ADAMTSL3: variants seen among roughly 807,000 people sequenced by gnomAD.
The protein encoded by ADAMTSL3 is ADAMTS like 3.
Under a neutral mutation model 201.7 loss-of-function variants are expected in ADAMTSL3, and 128 were observed. That is an observed-to-expected ratio of 0.63 (90% confidence interval 0.55 to 0.73). The LOEUF (loss-of-function observed/expected upper bound fraction) is 0.73. Among genes scored for constraint, ADAMTSL3 ranks in the 30% least tolerant of loss-of-function variants. The pLI is 0.00. For missense variants in ADAMTSL3, 1,990 were observed against 2,119.6 expected, an observed-to-expected ratio of 0.94 and a Z score of 1.20; for synonymous variants, 738 against 748.4, an observed-to-expected ratio of 0.99 and a Z score of 0.23.
chr15:83,942,455 T>G, intron 17 of ADAMTSL3, 141 bp from the exon 18 acceptor site: 11 of 669,564 alleles, frequency 1.6e-5, no homozygotes, highest in Non-Finnish European at 2.5e-5. Flanking sequence ...CGTATATTGA[T>G]GGAGATGCTG....
intron 17 of ADAMTSL3, among the ~76,000 whole-genome samples, chr15:83,934,251 G>C (rs1260838226): frequency 6.6e-6 from 1 of 152,226 alleles, no homozygotes; most frequent in African/African-American, 2.4e-5. Context: ...GCATCAGTGT[G>C]ACCTGTATGC....
intron 4 of ADAMTSL3, among the ~76,000 whole-genome samples, chr15:83,784,635 T>G (rs146332807): frequency 5.3e-4 from 81 of 152,280 alleles, no homozygotes; most frequent in Non-Finnish European, 1.0e-3. Context: ...TCCCTGAAAT[T>G]TTACCTCTGC....
At chr15:83,927,920 A>AG (rs1238788351) in intron 17 of ADAMTSL3, among the ~76,000 whole-genome samples, 1 of 151,920 alleles carries the variant, frequency 6.6e-6, no homozygotes, top group Non-Finnish European at 1.5e-5. Flanking sequence ...CTAAAAAAAA[A>AG]TGGTTTCGAA....
intron 3 of ADAMTSL3, among the ~76,000 whole-genome samples, chr15:83,727,498 C>A (rs1357986338): frequency 6.6e-6 from 1 of 151,694 alleles, no homozygotes. Context: ...TACAACTTTT[C>A]CAGTTTTTGT....
At position 83,753,453 on chromosome 15, in the gene ADAMTSL3, T is replaced by C. The variant is rs2062670946; in HGVS notation, c.190-20070T>C. Among the ~76,000 whole-genome samples the C allele has an allele frequency of 3.9e-5, 6 of 152,288 alleles. 1 individual carries two copies. The South Asian group carries it at 1.2e-3, about 32-fold the overall frequency. ...CACTGGCTTCTTTCATTACTTACTT[T>C]GGTAGCTGTCAAATAATATTTCTTG... On this transcript the variant is annotated intron_variant, in intron 3 of 29. Coordinates refer to ENST00000286744, the MANE Select transcript of ADAMTSL3 (RefSeq NM_207517.3).
intron 17 of ADAMTSL3, among the ~76,000 whole-genome samples, chr15:83,924,258 A>G (rs894708462): frequency 2.6e-5 from 4 of 152,210 alleles, no homozygotes; most frequent in African/African-American, 4.8e-5. Flanking sequence ...TTTTGTTTGC[A>G]TCGAACACGA....
At chr15:83,751,657 CTG>C (rs1184630553) in intron 3 of ADAMTSL3, among the ~76,000 whole-genome samples, 12 of 152,108 alleles carry the variant, frequency 7.9e-5, no homozygotes, top group Admixed American at 7.9e-4. Context: ...GAACAGAAAA[CTG>C]TATATAGAAG....
At chr15:83,959,738 G>C (rs189772378) in intron 19 of ADAMTSL3, among the ~76,000 whole-genome samples, 2 of 152,272 alleles carry the variant, frequency 1.3e-5, no homozygotes, top group African/African-American at 4.8e-5. Flanking sequence ...GACAAGCTTT[G>C]GCATAAAGTT....
intron 2 of ADAMTSL3, among the ~76,000 whole-genome samples, chr15:83,683,923 T>A (rs1249264754): frequency 6.6e-6 from 1 of 152,230 alleles, no homozygotes; most frequent in Non-Finnish European, 1.5e-5. Flanking sequence ...CTTAATCATT[T>A]TGTTTTTGTT....
At chr15:83,695,114 G>GTA (rs2061661702) in intron 2 of ADAMTSL3, among the ~76,000 whole-genome samples, 1 of 141,986 alleles carries the variant, frequency 7.0e-6, no homozygotes, top group Non-Finnish European at 1.6e-5. Context: ...GTGCATGTGT[G>GTA]GTGTGTGTGT....
intron 9 of ADAMTSL3, among the ~76,000 whole-genome samples, chr15:83,875,349 T>C (rs886139668): frequency 6.6e-6 from 1 of 152,218 alleles, no homozygotes. Flanking sequence ...CTTGCTGTGC[T>C]TAGTCACTGG....
At chr15:83,705,763 C>A (rs565715285) in intron 3 of ADAMTSL3, among the ~76,000 whole-genome samples, 1 of 152,306 alleles carries the variant, frequency 6.6e-6, no homozygotes, top group South Asian at 2.1e-4. Flanking sequence ...TGGTGGGCTT[C>A]ATTCCAGAGC....
At chr15:83,923,306 C>T (rs565614535) in intron 16 of ADAMTSL3, among the ~76,000 whole-genome samples, 3 of 152,248 alleles carry the variant, frequency 2.0e-5, no homozygotes, top group East Asian at 1.9e-4. Context: ...TTTGACCTCA[C>T]TGATTATTGT....
chr15:84,019,736 A>C (rs1294970567), intron 25 of ADAMTSL3, among the ~76,000 whole-genome samples: 2 of 151,808 alleles, frequency 1.3e-5, no homozygotes, highest in African/African-American at 4.8e-5. Flanking sequence ...TACTGAAAAT[A>C]CAAAAATGAG....
At chr15:83,725,460 A>T (rs562887259) in intron 3 of ADAMTSL3, among the ~76,000 whole-genome samples, 1 of 152,304 alleles carries the variant, frequency 6.6e-6, no homozygotes, top group South Asian at 2.1e-4. Context: ...ATTACTCAAG[A>T]AATCTTTGCC....
chr15:83,675,218 C>T (rs1596007306), intron 2 of ADAMTSL3, among the ~76,000 whole-genome samples: 1 of 151,926 alleles, frequency 6.6e-6, no homozygotes, highest in African/African-American at 2.4e-5. Flanking sequence ...CTATGTGCTG[C>T]CTTGATATCT....
At chr15:84,011,930 G>C (rs934258975) in intron 23 of ADAMTSL3, among the ~76,000 whole-genome samples, 1 of 152,318 alleles carries the variant, frequency 6.6e-6, no homozygotes, top group Admixed American at 6.5e-5. Context: ...GAAAGGTTCT[G>C]AATCAAATTG....
intron 27 of ADAMTSL3, among the ~76,000 whole-genome samples, chr15:84,026,853 C>T (rs1052030231): frequency 6.6e-6 from 1 of 151,990 alleles, no homozygotes; most frequent in Non-Finnish European, 1.5e-5. Context: ...ATTTTCATGG[C>T]TTGGATTAGG....
At chr15:83,811,508 A>G (rs2063696563) in intron 5 of ADAMTSL3, among the ~76,000 whole-genome samples, 1 of 152,248 alleles carries the variant, frequency 6.6e-6, no homozygotes, top group Admixed American at 6.5e-5. Context: ...CATAGTACAG[A>G]CATAAAATGT....
Sources: gnomAD v4.1 joint callset for allele counts (sites outside exome capture counted in the v4.1 genomes callset) on GRCh38, gnomAD v4.1.1 for gene constraint, MANE v1.5 for transcripts, NCBI Gene and HGNC (gene_info 2026-07-23, HGNC 2026-07-21) for gene names.